The following DMD variants were observed in gnomAD, a reference collection of about 807,000 sequenced individuals.
DMD encodes the protein mutant dystrophin.
Under a neutral mutation model 330.1 loss-of-function variants are expected in DMD, and 63 were observed. The ratio of observed to expected loss-of-function variants is 0.19; its 90% CI spans 0.16 to 0.24. DMD has a LOEUF of 0.24. DMD is among the 10% of genes least tolerant of loss of function. The pLI is 1.00. For missense variants in DMD, 3,344 were observed against 2,684.1 expected, an observed-to-expected ratio of 1.25 and a Z score of -5.43; for synonymous variants, 1,223 against 959.8, an observed-to-expected ratio of 1.27 and a Z score of -5.07.
At chrX:32,595,924 G>A (rs2055468922) in intron 12 of DMD, 48 bp from the exon 13 acceptor site, 1 of 1,064,066 alleles carries the variant, frequency 9.4e-7, no homozygotes, top group East Asian at 3.0e-5. Context: ...ATTCTTACAT[G>A]TGTGTTGAAA....
intron 55 of DMD, among the ~76,000 whole-genome samples, chrX:31,564,855 G>C (rs1188486210): frequency 9.0e-6 from 1 of 111,430 alleles, no homozygotes; most frequent in Non-Finnish European, 1.9e-5. Context: ...AAGTAATATG[G>C]GAGTTAAAAG....
In DMD at chrX:32,468,718, A is replaced by G; in HGVS notation, c.2950-8T>C. 8.4e-7 allele frequency: 1 copy of G among 1,189,712 alleles called. No homozygotes were observed. The highest frequency in any genetic ancestry group is 1.7e-5 in the African/African-American group (1 of 57,366). Reference sequence around the variant, plus strand: ...CAGAGAACTTTGTAAAGCCTAAAAAACAATTTTTTAAATACATTTACCCTA... The same window carrying G: ...CAGAGAACTTTGTAAAGCCTAAAAAGCAATTTTTTAAATACATTTACCCTA... On this transcript the variant is annotated splice_polypyrimidine_tract_variant and splice_region_variant and intron_variant, in intron 22 of 78. Transcript: ENST00000357033.
At chrX:32,449,399 C>G (rs1033527561) in intron 26 of DMD, among the ~76,000 whole-genome samples, 27 of 110,130 alleles carry the variant, frequency 2.5e-4, no homozygotes, top group Non-Finnish European at 4.2e-4. Flanking sequence ...CTCTCCTATC[C>G]TGGTTAATAT....
At chrX:33,306,229 C>T (rs763757514) in intron 1 of DMD, among the ~76,000 whole-genome samples, 3 of 111,731 alleles carry the variant, frequency 2.7e-5, no homozygotes, top group African/African-American at 9.7e-5. Context: ...TTAGCTCCTG[C>T]TTGAATACTT....
intron 43 of DMD, among the ~76,000 whole-genome samples, chrX:32,268,912 G>A (rs780174813): frequency 1.1e-3 from 94 of 87,508 alleles, no homozygotes; most frequent in African/African-American, 3.8e-3. Context: ...CCCCACCCCC[G>A]CCACCCCAAC....
chrX:33,019,000 A>T (rs184502252), intron 2 of DMD, among the ~76,000 whole-genome samples: 52 of 112,250 alleles, frequency 4.6e-4, no homozygotes, highest in African/African-American at 1.6e-3. Context: ...AACTTTTATT[A>T]GTTAAAATTC....
chrX:32,059,835 T>A (rs973174027), intron 44 of DMD, among the ~76,000 whole-genome samples: 16 of 111,317 alleles, frequency 1.4e-4, no homozygotes, highest in African/African-American at 4.9e-4. Context: ...GATGTTTTAG[T>A]TTTTTAAAGA....
At chrX:33,131,686 C>T (rs1472365632) in intron 1 of DMD, among the ~76,000 whole-genome samples, 3 of 111,822 alleles carry the variant, frequency 2.7e-5, no homozygotes, top group Non-Finnish European at 5.6e-5. Context: ...CAGGGTTCAT[C>T]GGTACGATAA....
intron 59 of DMD, among the ~76,000 whole-genome samples, chrX:31,448,034 G>GA (rs1425663423): frequency 1.1e-5 from 1 of 90,319 alleles, no homozygotes; most frequent in Admixed American, 1.2e-4. Context: ...AAAAAAAAAA[G>GA]AAAAAATGCC....
rs2068037888 is a variant in DMD, at chrX:31,479,046, C to G, written c.8605G>C (p.Val2869Leu). ...GGCTGCTCTGTCAGAAATATTCGTA[C>G]AGTCTCAAGAGTACTCATGATTACA... ...EPVIMSTLET[V>L]RIFLTEQPLE... is the part of the protein sequence containing the mutation. Residue 2869 changes from valine (V) to leucine (L), a missense_variant, in exon 58 of 79, where the codon GTA becomes CTA. Transcript: ENST00000357033. The G allele has an allele frequency of 1.7e-6, 2 of 1,205,810 alleles. No homozygotes were observed.
At chrX:32,498,549 G>T (rs1281788510) in intron 19 of DMD, among the ~76,000 whole-genome samples, 2 of 110,606 alleles carry the variant, frequency 1.8e-5, no homozygotes, top group Non-Finnish European at 3.8e-5. Context: ...TTTAAAGCAG[G>T]CAAGGAATTT....
At chrX:32,778,984 G>A (rs912838746) in intron 7 of DMD, among the ~76,000 whole-genome samples, 14 of 111,464 alleles carry the variant, frequency 1.3e-4, no homozygotes, top group East Asian at 8.5e-4. Context: ...CAAAAAAGTC[G>A]TATCATATTG....
chrX:32,161,957 G>A (rs2096850804), intron 44 of DMD, among the ~76,000 whole-genome samples: 1 of 111,659 alleles, frequency 9.0e-6, no homozygotes, highest in Non-Finnish European at 1.9e-5. Flanking sequence ...TAGAACACTA[G>A]CAAGGCAGGA....
rs191049849 is a variant in DMD at position 32,832,711 on chromosome X, T to A, written c.265-9324A>T. Among the ~76,000 whole-genome samples, 8 of 111,749 alleles carry A rather than the reference T, an allele frequency of 7.2e-5. No individual in the cohort carries two copies. The Admixed American group carries it at 7.6e-4, about 11-fold the overall frequency. ...TGTGCTTTTACACCACATTTAAGAT[T>A]TACACTGTTTAAAATTTCAAGACTT... On this transcript the variant is annotated intron_variant, in intron 4 of 78. Coordinates refer to ENST00000357033, the MANE Select transcript of DMD (RefSeq NM_004006.3).
At chrX:32,160,425 G>A (rs993695719) in intron 44 of DMD, among the ~76,000 whole-genome samples, 2 of 109,648 alleles carry the variant, frequency 1.8e-5, no homozygotes, top group African/African-American at 6.7e-5. Flanking sequence ...GTAGAGATGG[G>A]GGTTTTACCA....
At chrX:31,709,219 C>T (rs918257978) in intron 52 of DMD, among the ~76,000 whole-genome samples, 3 of 111,274 alleles carry the variant, frequency 2.7e-5, no homozygotes, top group African/African-American at 6.5e-5. Context: ...TGCAGTGAGC[C>T]GAGATTGAGC....
chrX:32,648,881 A>G (rs1036895396), intron 9 of DMD, among the ~76,000 whole-genome samples: 12 of 111,875 alleles, frequency 1.1e-4, no homozygotes, highest in African/African-American at 3.2e-4. Context: ...CATCAAATGA[A>G]GAGATTTTCT....
rs1023697745 is a variant in DMD at position 33,154,587 on chromosome X, A to G, written c.31+56695T>C. 5.0e-4 allele frequency among the ~76,000 whole-genome samples: 56 copies of G among 111,822 alleles called. 1 individual carries two copies. Among genetic ancestry groups the G allele is most frequent in the Non-Finnish European group, 1.5e-4 (8 of 53,242 alleles). ...ATTTCACTATTCCTGTTTTATTTCT[A>G]GATTAAAAATCACCAAAACAAGGAG... On this transcript the variant is annotated intron_variant, in intron 1 of 78. Coordinates refer to ENST00000357033, the MANE Select transcript of DMD (RefSeq NM_004006.3).
chrX:32,517,225 A>T (rs900985151), intron 18 of DMD: 1 of 112,107 alleles, frequency 8.9e-6, no homozygotes, highest in Non-Finnish European at 1.9e-5. Context: ...ATTCATAATC[A>T]CTGCTTCCTT....
Sources: allele counts gnomAD v4.1 joint callset (sites outside exome capture counted in the v4.1 genomes callset), GRCh38; gene constraint gnomAD v4.1.1; transcripts MANE v1.5; gene names NCBI Gene and HGNC (gene_info 2026-07-23, HGNC 2026-07-21).